TEX9: variants seen among roughly 807,000 people sequenced by gnomAD.
The protein encoded by TEX9 is testis expressed 9.
Under a neutral mutation model 59.6 loss-of-function variants are expected in TEX9, and 74 were observed. The observed-to-expected ratio is 1.24, with a 90% CI of 1.03 to 1.51. The LOEUF (loss-of-function observed/expected upper bound fraction) is 1.51, where lower values mean the gene tolerates loss of function less well. TEX9 is among the 40% of genes most tolerant of loss of function. TEX9 has a pLI of 0.00. For synonymous variants in TEX9, 186 were observed against 152.2 expected (o/e 1.22, Z -1.64); for missense variants, 522 against 447.8 (o/e 1.17, Z -1.49).
chr15:56,408,503 T>C (rs530988766), intron 9 of TEX9: 5 of 152,334 alleles, frequency 3.3e-5, no homozygotes, highest in Non-Finnish European at 5.9e-5. Context: ...TTATATACCA[T>C]CTATATATAC....
At chr15:56,454,264 A>G in the TEX9 span, among the ~76,000 whole-genome samples, 1 of 152,144 alleles carries the variant, frequency 6.6e-6, no homozygotes, top group Non-Finnish European at 1.5e-5. Context: ...GGGGTACATG[A>G]GACATTTTGA....
chr15:56,307,176 A>G (rs1317350173), intron 1 of TEX9, among the ~76,000 whole-genome samples: 1 of 152,208 alleles, frequency 6.6e-6, no homozygotes, highest in Non-Finnish European at 1.5e-5. Context: ...TGAAACTCAG[A>G]AAGAGGGATA....
chr15:56,425,450 G>A (rs1189359026), intron 10 of TEX9, among the ~76,000 whole-genome samples: 1 of 152,072 alleles, frequency 6.6e-6, no homozygotes, highest in Non-Finnish European at 1.5e-5. Flanking sequence ...CAAATGACCT[G>A]TCTGAAAGCT....
chr15:56,285,855 T>C (rs2044941226), intron 1 of TEX9, among the ~76,000 whole-genome samples: 1 of 152,272 alleles, frequency 6.6e-6, no homozygotes, highest in East Asian at 1.9e-4. Context: ...AATGACAAGG[T>C]AGTACGTGAT....
At chr15:56,423,438 T>C (rs1368367659) in intron 10 of TEX9, among the ~76,000 whole-genome samples, 3 of 152,226 alleles carry the variant, frequency 2.0e-5, no homozygotes, top group Non-Finnish European at 4.4e-5. Flanking sequence ...TTGGAAAATA[T>C]ACTTTGTATG....
At chr15:56,444,280 G>A (rs6493858) in intron 12 of TEX9, among the ~76,000 whole-genome samples, 67,890 of 151,726 alleles carry the variant, frequency 0.45, 15,400 homozygotes, top group African/African-American at 0.5. Flanking sequence ...TTATGCTAAC[G>A]GAGATGAGAA....
intron 1 of TEX9, among the ~76,000 whole-genome samples, chr15:56,277,723 G>T (rs560705719): frequency 9.2e-5 from 14 of 152,098 alleles, no homozygotes; most frequent in Non-Finnish European, 1.0e-4. Context: ...AGAGAATTAG[G>T]TATACCTCAC....
At chr15:56,250,637 A>G (rs2043993182) in intron 1 of TEX9, among the ~76,000 whole-genome samples, 1 of 152,176 alleles carries the variant, frequency 6.6e-6, no homozygotes, top group African/African-American at 2.4e-5. Flanking sequence ...TTGTATGTTT[A>G]CATATTTTAA....
At chr15:56,458,039 T>A in the TEX9 span, among the ~76,000 whole-genome samples, 67 of 152,134 alleles carry the variant, frequency 4.4e-4, no homozygotes, top group Middle Eastern at 3.4e-3. Context: ...TACTCAGCAA[T>A]AAAAAGAAAA....
At chr15:56,262,693 C>T (rs1388129033) in intron 1 of TEX9, among the ~76,000 whole-genome samples, 3 of 152,178 alleles carry the variant, frequency 2.0e-5, no homozygotes, top group African/African-American at 7.2e-5. Flanking sequence ...TTGCATCTAA[C>T]ACACCAGAGA....
chr15:56,414,178 A>C (rs1270535393), intron 10 of TEX9, among the ~76,000 whole-genome samples: 1 of 151,860 alleles, frequency 6.6e-6, no homozygotes, highest in African/African-American at 2.4e-5. Flanking sequence ...ACATATTAAG[A>C]AAACAGAAGG....
In TEX9 at chr15:56,434,290, C is replaced by G. The variant is rs769805755; in HGVS notation, c.*29+5817C>G. On this transcript the variant is annotated intron_variant, in intron 12 of 12. Transcript: ENST00000352903. ...GCTAGCATAGTTTTTCTAAAGTTCT[C>G]CTCTTCCTCTTTTGCAGCCTGTAGC... The G allele has an allele frequency of 5.6e-6, 9 of 1,613,904 alleles. No homozygotes were observed. In the Admixed American group the frequency reaches 8.3e-5, roughly 15 times the overall value.
In TEX9 at chr15:56,266,655, G is replaced by C. The variant is rs2044390977; in HGVS notation, c.-107+22377G>C. ...TCCATGTCGCTACAAAGGACATGAA[G>C]TCATCCTTTTTTATGGTTGCATAGT... On this transcript the variant is annotated intron_variant, in intron 1 of 5. Transcript: ENST00000560827. Among the ~76,000 whole-genome samples, 3 of 152,146 alleles carry C rather than the reference G, an allele frequency of 2.0e-5. 1 individual carries two copies. The highest frequency in any genetic ancestry group is 4.1e-4 in the South Asian group (2 of 4,830).
At chr15:56,395,468 C>G (rs1479336426) in intron 9 of TEX9, 1 of 152,026 alleles carries the variant, frequency 6.6e-6, no homozygotes, top group Non-Finnish European at 1.5e-5. Flanking sequence ...ACGTATGTTT[C>G]TATTTCTCTT....
chr15:56,369,974 C>CTGTTA (rs10653703), intron 2 of TEX9, among the ~76,000 whole-genome samples: 68,337 of 151,458 alleles, frequency 0.45, 15,460 homozygotes, highest in South Asian at 0.6. Context: ...TATGCAGTGT[C>CTGTTA]TATCTTTCTT....
intron 9 of TEX9, among the ~76,000 whole-genome samples, chr15:56,407,083 TTG>T (rs141670179): frequency 2.3e-4 from 34 of 150,608 alleles, no homozygotes; most frequent in East Asian, 5.8e-4. Context: ...GTTATAGTGT[TTG>T]TGTGTGTGTG....
At chr15:56,361,860 A>G (rs1360832937), upstream of TEX9, among the ~76,000 whole-genome samples, 1 of 152,218 alleles carries the variant, frequency 6.6e-6, no homozygotes, top group Non-Finnish European at 1.5e-5. Flanking sequence ...CATAGAAGCT[A>G]GAAAGAGGCA....
intron 1 of TEX9, chr15:56,323,842 A>G (rs1422548248): frequency 4.6e-6 from 1 of 216,690 alleles, no homozygotes; most frequent in Admixed American, 4.1e-5. Context: ...TCTTGTCTGC[A>G]AACCATTTAA....
chr15:56,300,773 T>C (rs1312802364), intron 1 of TEX9, among the ~76,000 whole-genome samples: 1 of 147,008 alleles, frequency 6.8e-6, no homozygotes, highest in Non-Finnish European at 1.5e-5. Context: ...TGGGGAAAAG[T>C]AAAGCAAAAG....
Sources: allele counts gnomAD v4.1 joint callset (sites outside exome capture counted in the v4.1 genomes callset), GRCh38; gene constraint gnomAD v4.1.1; transcripts MANE v1.5; gene names NCBI Gene and HGNC (gene_info 2026-07-23, HGNC 2026-07-21).